PAM: variants seen among roughly 807,000 people sequenced by gnomAD.
PAM encodes the protein peptidylglycine alpha-amidating monooxygenase, also known as peptidyl-glycine alpha-amidating monooxygenase.
Under a neutral mutation model 122.1 loss-of-function variants are expected in PAM, and 72 were observed. That is an observed-to-expected ratio of 0.59 (90% confidence interval 0.49 to 0.72). PAM has a LOEUF of 0.72. Among genes scored for constraint, PAM ranks in the 30% least tolerant of loss-of-function variants. PAM has a pLI of 0.00. For missense variants in PAM, 1,106 were observed against 1,183.7 expected (o/e 0.93, Z 0.96); for synonymous variants, 389 against 404.4 (o/e 0.96, Z 0.46).
At chr5:102,864,827 A>C (rs952262669) in intron 1 of PAM, among the ~76,000 whole-genome samples, 2 of 152,226 alleles carry the variant, frequency 1.3e-5, no homozygotes, top group Non-Finnish European at 2.9e-5. Context: ...ATTGTGAATT[A>C]TACAGTTTTA....
chr5:102,995,098 GT>G (rs1301756672), intron 16 of PAM, among the ~76,000 whole-genome samples: 2 of 152,112 alleles, frequency 1.3e-5, no homozygotes, highest in Non-Finnish European at 2.9e-5. Context: ...TGCTTCGCTA[GT>G]TTTCTGGAGC....
intron 1 of PAM, among the ~76,000 whole-genome samples, chr5:102,827,137 T>A (rs1773901718): frequency 6.6e-6 from 1 of 152,346 alleles, no homozygotes; most frequent in African/African-American, 2.4e-5. Flanking sequence ...CCTCTTTCTA[T>A]GAGACAGCTC....
At chr5:102,807,904 A>G (rs1766661188) in intron 1 of PAM, among the ~76,000 whole-genome samples, 1 of 152,210 alleles carries the variant, frequency 6.6e-6, no homozygotes, top group Admixed American at 6.5e-5. Flanking sequence ...AAAAAGTCAC[A>G]TCGCAATTAG....
At chr5:102,805,809 A>G (rs1370741395) in intron 1 of PAM, among the ~76,000 whole-genome samples, 1 of 152,220 alleles carries the variant, frequency 6.6e-6, no homozygotes, top group Non-Finnish European at 1.5e-5. Context: ...AATTAAGAGG[A>G]AAATAAAAAC....
chr5:102,832,897 G>C (rs1775867902), intron 1 of PAM, among the ~76,000 whole-genome samples: 1 of 152,142 alleles, frequency 6.6e-6, no homozygotes, highest in Admixed American at 6.6e-5. Context: ...TCTTTTCTTA[G>C]AGACTTTCTG....
intron 21 of PAM, among the ~76,000 whole-genome samples, chr5:103,014,052 T>C (rs566889743): frequency 6.6e-6 from 1 of 152,196 alleles, no homozygotes; most frequent in African/African-American, 2.4e-5. Context: ...CCAGTCTTCA[T>C]TGTTGTGCCC....
chr5:102,985,364 GA>G (rs1391885370), intron 15 of PAM, among the ~76,000 whole-genome samples: 1 of 151,860 alleles, frequency 6.6e-6, no homozygotes, highest in East Asian at 1.9e-4. Context: ...AATAAAATCA[GA>G]AATGAAAAAG....
At chr5:102,838,573 T>C (rs1777705073) in intron 1 of PAM, 1 of 152,142 alleles carries the variant, frequency 6.6e-6, no homozygotes, top group South Asian at 2.1e-4. Flanking sequence ...TAAATAAATA[T>C]TATTATTTAA....
At chr5:102,801,267 CAT>C (rs1483282980) in intron 1 of PAM, among the ~76,000 whole-genome samples, 2 of 152,044 alleles carry the variant, frequency 1.3e-5, no homozygotes, top group Non-Finnish European at 2.9e-5. Context: ...ATCATTAAAA[CAT>C]ATAAATTATC....
chr5:102,834,479 A>G (rs1285294355), intron 1 of PAM, among the ~76,000 whole-genome samples: 2 of 152,172 alleles, frequency 1.3e-5, no homozygotes, highest in African/African-American at 4.8e-5. Flanking sequence ...GATAAGAAAA[A>G]CAAGTCATAT....
intron 18 of PAM, among the ~76,000 whole-genome samples, chr5:103,006,013 C>T (rs1244283201): frequency 1.3e-5 from 2 of 152,140 alleles, no homozygotes; most frequent in East Asian, 3.9e-4. Flanking sequence ...TGGCTCACTA[C>T]AGCCTCCACC....
chr5:102,990,963 A>T (rs1162735464), intron 16 of PAM, among the ~76,000 whole-genome samples: 2 of 152,208 alleles, frequency 1.3e-5, no homozygotes, highest in Non-Finnish European at 2.9e-5. Context: ...TTTCATGAGC[A>T]TCAAAGGCTT....
intron 12 of PAM, among the ~76,000 whole-genome samples, chr5:102,957,013 G>C (rs1256252845): frequency 6.6e-6 from 1 of 152,016 alleles, no homozygotes; most frequent in Non-Finnish European, 1.5e-5. Flanking sequence ...ATCTCTAATG[G>C]ATTTTTCTGA....
intron 16 of PAM, among the ~76,000 whole-genome samples, chr5:102,993,892 A>G (rs552251722): frequency 6.6e-6 from 1 of 152,254 alleles, no homozygotes; most frequent in African/African-American, 2.4e-5. Context: ...ATCATGTCTC[A>G]TTGCACGTTA....
At chr5:102,867,082 A>G (rs1785821755) in intron 2 of PAM, among the ~76,000 whole-genome samples, 191 bp from the exon 3 acceptor site, 9 of 152,142 alleles carry the variant, frequency 5.9e-5, no homozygotes, top group Admixed American at 5.9e-4. Context: ...AATTAGGTAT[A>G]TATTGTTATT....
chr5:102,839,283 C>T (rs1411276308), intron 1 of PAM, among the ~76,000 whole-genome samples: 1 of 152,090 alleles, frequency 6.6e-6, no homozygotes, highest in African/African-American at 2.4e-5. Context: ...AAGAGTTAAA[C>T]TCTATAGAGA....
chr5:102,946,020 A>C (rs539876942), intron 7 of PAM, among the ~76,000 whole-genome samples: 129 of 152,306 alleles, frequency 8.5e-4, no homozygotes, highest in African/African-American at 3.0e-3. Context: ...GAAATATGCA[A>C]AACTAGCTGA....
At chr5:102,814,248 C>T (rs1419802075) in intron 1 of PAM, among the ~76,000 whole-genome samples, 1 of 152,086 alleles carries the variant, frequency 6.6e-6, no homozygotes, top group Non-Finnish European at 1.5e-5. Context: ...AATTTAAGCT[C>T]AAAACTTCCC....
intron 1 of PAM, among the ~76,000 whole-genome samples, chr5:102,804,038 G>T (rs150512851): frequency 0.012 from 1,867 of 152,168 alleles, 48 homozygotes; most frequent in African/African-American, 0.043. Context: ...AGGGTTGCAG[G>T]GGGGGATGGG....
Sources: allele counts gnomAD v4.1 joint callset (sites outside exome capture counted in the v4.1 genomes callset), GRCh38; gene constraint gnomAD v4.1.1; transcripts MANE v1.5; gene names NCBI Gene and HGNC (gene_info 2026-07-23, HGNC 2026-07-21).